The following GRID2 variants were observed in gnomAD, a reference collection of about 807,000 sequenced individuals.
GRID2 encodes glutamate ionotropic receptor delta type subunit 2.
A neutral mutation model predicts 114.8 loss-of-function variants in GRID2; 33 were observed. The ratio of observed to expected loss-of-function variants is 0.29; its 90% CI spans 0.22 to 0.38. The LOEUF (loss-of-function observed/expected upper bound fraction) is 0.38, where lower values mean the gene tolerates loss of function less well. GRID2 is among the 10% of genes least tolerant of loss of function. GRID2 has a pLI of 1.00. For synonymous variants in GRID2, 505 were observed against 449.9 expected, an observed-to-expected ratio of 1.12 and a Z score of -1.55; for missense variants, 1,184 against 1,257.7, an observed-to-expected ratio of 0.94 and a Z score of 0.89.
At chr4:92,995,137 C>T (rs1755123103) in intron 2 of GRID2, among the ~76,000 whole-genome samples, 1 of 152,192 alleles carries the variant, frequency 6.6e-6, no homozygotes, top group Non-Finnish European at 1.5e-5. Context: ...AGAGACCTCC[C>T]TCCTCTAGTG....
chr4:92,921,053 A>T (rs375338279), intron 2 of GRID2, among the ~76,000 whole-genome samples: 35 of 152,004 alleles, frequency 2.3e-4, no homozygotes, highest in African/African-American at 7.0e-4. Context: ...ATTTCTTTTT[A>T]TTCTTTTTTT....
At chr4:92,539,236 C>T (rs1233392182) in intron 1 of GRID2, among the ~76,000 whole-genome samples, 1 of 152,010 alleles carries the variant, frequency 6.6e-6, no homozygotes, top group Non-Finnish European at 1.5e-5. Context: ...ATAGTGTGTA[C>T]TCTATTTGTT....
At chr4:92,653,318 CACAT>C (rs1166168713) in intron 2 of GRID2, among the ~76,000 whole-genome samples, 1 of 145,450 alleles carries the variant, frequency 6.9e-6, no homozygotes, top group African/African-American at 2.5e-5. Flanking sequence ...CACACACACA[CACAT>C]GTGTCTGTGT....
At chr4:92,547,491 GAACA>G (rs537682250) in intron 1 of GRID2, among the ~76,000 whole-genome samples, 121 of 152,210 alleles carry the variant, frequency 7.9e-4, no homozygotes, top group Non-Finnish European at 1.3e-3. Flanking sequence ...ATTCTCTAGT[GAACA>G]AACAAAGGGA....
At chr4:93,362,252 A>G (rs983053848) in intron 8 of GRID2, among the ~76,000 whole-genome samples, 1 of 151,844 alleles carries the variant, frequency 6.6e-6, no homozygotes, top group Non-Finnish European at 1.5e-5. Context: ...TTCTCTCTCA[A>G]TGGTAGAATG....
At chr4:92,739,202 A>T (rs1443133556) in intron 2 of GRID2, among the ~76,000 whole-genome samples, 2 of 152,210 alleles carry the variant, frequency 1.3e-5, no homozygotes, top group Non-Finnish European at 1.5e-5. Context: ...GAACATGACA[A>T]CTTTAGATCA....
rs929205112 is a variant in GRID2, at chr4:93,031,459, C to T, written c.245-53536C>T. Among the ~76,000 whole-genome samples, 33 of 152,274 alleles carry T rather than the reference C, an allele frequency of 2.2e-4. No homozygotes were observed. In the East Asian group the frequency reaches 2.7e-3, roughly 12 times the overall value. ...CAAGCATTTTGTAAATACTTTGGCT[C>T]TAAATAGGTGATATGGTTTGGCTGT... On this transcript the variant is annotated intron_variant, in intron 2 of 15. Transcript: ENST00000282020.
intron 2 of GRID2, among the ~76,000 whole-genome samples, chr4:92,679,540 A>T (rs1473781178): frequency 1.3e-5 from 2 of 152,078 alleles, no homozygotes. Context: ...ACCTATTTTT[A>T]ACACCTCAAC....
intron 5 of GRID2, among the ~76,000 whole-genome samples, chr4:93,213,258 C>T (rs1743780410): frequency 6.6e-6 from 1 of 152,056 alleles, no homozygotes; most frequent in Non-Finnish European, 1.5e-5. Flanking sequence ...CATTTTTTAA[C>T]ATTTGCCTAA....
intron 2 of GRID2, among the ~76,000 whole-genome samples, chr4:92,667,486 T>G (rs962321032): frequency 2.7e-5 from 4 of 150,590 alleles, no homozygotes; most frequent in Admixed American, 6.6e-5. Context: ...TATTTTTAAT[T>G]TAAAGATAAT....
At chr4:92,623,577 C>G (rs919844880) in intron 2 of GRID2, among the ~76,000 whole-genome samples, 6 of 151,662 alleles carry the variant, frequency 4.0e-5, no homozygotes, top group Non-Finnish European at 5.9e-5. Context: ...ATGTGTGTAT[C>G]TTGGTAGTCA....
chr4:92,605,604 T>G (rs555502302), intron 2 of GRID2, among the ~76,000 whole-genome samples: 18 of 152,180 alleles, frequency 1.2e-4, no homozygotes, highest in African/African-American at 4.3e-4. Flanking sequence ...AAAAAACCTT[T>G]AAGATTTCAG....
At chr4:93,158,912 A>T (rs1737419106) in intron 4 of GRID2, among the ~76,000 whole-genome samples, 1 of 151,676 alleles carries the variant, frequency 6.6e-6, no homozygotes, top group African/African-American at 2.4e-5. Flanking sequence ...CTTAGACCTG[A>T]TTCTAGACTG....
intron 10 of GRID2, among the ~76,000 whole-genome samples, chr4:93,454,201 T>A (rs577569993): frequency 6.6e-6 from 1 of 152,212 alleles, no homozygotes; most frequent in East Asian, 1.9e-4. Context: ...CTTGTTATAA[T>A]GTAAATAGTA....
chr4:92,394,564 G>T (rs986176659), intron 1 of GRID2, among the ~76,000 whole-genome samples: 39 of 152,056 alleles, frequency 2.6e-4, no homozygotes, highest in African/African-American at 9.1e-4. Flanking sequence ...AATGTAAGTA[G>T]TTGGGTCACA....
At chr4:93,305,877 C>G (rs1187960991) in intron 8 of GRID2, among the ~76,000 whole-genome samples, 1 of 152,068 alleles carries the variant, frequency 6.6e-6, no homozygotes, top group Non-Finnish European at 1.5e-5. Flanking sequence ...AGACTACTTC[C>G]AGAGTCAAAA....
intron 2 of GRID2, among the ~76,000 whole-genome samples, chr4:92,809,426 A>G (rs545463724): frequency 1.3e-5 from 2 of 152,088 alleles, no homozygotes; most frequent in African/African-American, 4.8e-5. Flanking sequence ...TTTAGTGCCT[A>G]CTCATACAGT....
intron 2 of GRID2, among the ~76,000 whole-genome samples, chr4:92,729,909 A>G (rs1269334390): frequency 6.6e-6 from 1 of 152,028 alleles, no homozygotes; most frequent in East Asian, 1.9e-4. Flanking sequence ...AACAACAACA[A>G]CAAGAAAACA....
chr4:92,392,393 T>C (rs1387658541), intron 1 of GRID2, among the ~76,000 whole-genome samples: 2 of 151,836 alleles, frequency 1.3e-5, no homozygotes, highest in Admixed American at 6.6e-5. Flanking sequence ...ACAAAAATTA[T>C]CTGAGTGTGG....
Sources: gnomAD v4.1 joint callset for allele counts (sites outside exome capture counted in the v4.1 genomes callset) on GRCh38, gnomAD v4.1.1 for gene constraint, MANE v1.5 for transcripts, NCBI Gene and HGNC (gene_info 2026-07-23, HGNC 2026-07-21) for gene names.